The following ATXN10 variants were observed in gnomAD, a reference collection of about 807,000 sequenced individuals.
ATXN10 encodes ataxin-10.
In ATXN10, 28 loss-of-function variants were observed where a neutral mutation model predicts 52.9. The ratio of observed to expected loss-of-function variants is 0.53; its 90% CI spans 0.39 to 0.73. ATXN10 has a LOEUF of 0.73. Ranked by LOEUF, ATXN10 falls within the 30% of genes least tolerant of loss-of-function variation. The pLI is 0.00. For missense variants in ATXN10, 565 were observed against 577.0 expected, an observed-to-expected ratio of 0.98 and a Z score of 0.21; for synonymous variants, 226 against 221.5, an observed-to-expected ratio of 1.02 and a Z score of -0.18.
At position 45,718,547 on chromosome 22, in the gene ATXN10, C is replaced by T. The variant is rs964822712; in HGVS notation, c.728+54C>T. 9.1e-6 allele frequency: 13 copies of T among 1,422,688 alleles called. No homozygotes were observed. The highest frequency in any genetic ancestry group is 1.7e-4 in the Middle Eastern group (1 of 5,724). The allele number at this position is 1,422,688 out of a possible 1,614,324, so 88.1% of individuals were successfully genotyped here. A position where few individuals can be genotyped will look rare whatever the true frequency, so the allele number is the denominator to read the frequency against. ...TATTTAGCATTCCATATAGGGTATT[C>T]GATGCACGTGACTGAAAAGCTGTGT... On this transcript the variant is annotated intron_variant, in intron 6 of 11. Transcript: ENST00000252934. The surrounding 1 kb of genome is among the most constrained non-coding windows in gnomAD (Gnocchi z 4.4).
At chr22:45,800,768 G>A (rs531973051) in intron 9 of ATXN10, among the ~76,000 whole-genome samples, 106 of 152,308 alleles carry the variant, frequency 7.0e-4, no homozygotes, top group African/African-American at 2.5e-3. Context: ...AATGATACAT[G>A]TAACAACGTG....
intron 10 of ATXN10, among the ~76,000 whole-genome samples, chr22:45,822,689 C>G (rs529507102): frequency 1.3e-5 from 2 of 152,078 alleles, no homozygotes; most frequent in East Asian, 3.9e-4. Context: ...CGCCACCACA[C>G]CTGGCTAATT....
chr22:45,756,788 G>T (rs1048414499), intron 9 of ATXN10, among the ~76,000 whole-genome samples: 4 of 152,088 alleles, frequency 2.6e-5, no homozygotes, highest in African/African-American at 9.7e-5. Context: ...TTGAATAATT[G>T]GTTTAATGTG....
chr22:45,717,775 T>C (rs1924501496), intron 5 of ATXN10, among the ~76,000 whole-genome samples: 1 of 152,212 alleles, frequency 6.6e-6, no homozygotes, highest in Non-Finnish European at 1.5e-5. Flanking sequence ...CCTTAGTTCT[T>C]AAGTCTTTTC....
At chr22:45,741,580 C>T (rs1925535652) in intron 9 of ATXN10, among the ~76,000 whole-genome samples, 1 of 152,098 alleles carries the variant, frequency 6.6e-6, no homozygotes. Context: ...TAGATCCATC[C>T]TCAGTTTCTT....
In ATXN10 at chr22:45,677,167, G is replaced by T. The variant is rs1469700783; in HGVS notation, c.116+4988G>T. 1 of 152,160 alleles carries T rather than the reference G, an allele frequency of 6.6e-6. No homozygotes were observed. Among genetic ancestry groups the T allele is most frequent in the African/African-American group, 2.4e-5 (1 of 41,432 alleles). 9.4% of individuals were successfully genotyped at this position (152,160 alleles called of 1,614,324 possible). A position where few individuals can be genotyped will look rare whatever the true frequency, so the allele number is the denominator to read the frequency against. On this transcript the variant is annotated intron_variant, in intron 1 of 11. Transcript: ENST00000252934. The surrounding 1 kb of genome is among the most constrained non-coding windows in gnomAD (Gnocchi z 4.1). ...TATTCTTGAAATAATGGAACATTTGGATGCTGCTTTCTATAAATTCATCTC... is the reference window on the plus strand; with the variant it reads ...TATTCTTGAAATAATGGAACATTTGTATGCTGCTTTCTATAAATTCATCTC...
At chr22:45,692,916 C>G (rs1230668290) in intron 2 of ATXN10, 80 bp from the exon 3 acceptor site, 3 of 1,142,114 alleles carry the variant, frequency 2.6e-6, no homozygotes, top group Admixed American at 3.5e-5. Context: ...TCTCAGCTCT[C>G]CCATTGTAGT....
rs1202266265 is a variant in ATXN10 at position 45,677,743 on chromosome 22, A to G, written c.116+5564A>G. On this transcript the variant is annotated intron_variant, in intron 1 of 11. Transcript: ENST00000252934. The surrounding 1 kb of genome is among the most constrained non-coding windows in gnomAD (Gnocchi z 4.1). The stretch of plus-strand genomic sequence containing the variant: ...AAATCACTAGTTATTAGGGAAATGC[A>G]GTTAAAACTTCAGTGAGAGACTACT... The G allele has an allele frequency of 6.6e-6, 1 of 152,216 alleles. No individual in the cohort carries two copies. The highest frequency in any genetic ancestry group is 1.5e-5 in the Non-Finnish European group (1 of 68,038). The allele number at this position is 152,216 out of a possible 1,614,324, so 9.4% of individuals were successfully genotyped here.
chr22:45,739,072 T>C (rs1296317700), intron 8 of ATXN10, among the ~76,000 whole-genome samples: 1 of 152,216 alleles, frequency 6.6e-6, no homozygotes, highest in African/African-American at 2.4e-5. Context: ...TTCTCAGTAA[T>C]GTGAGGATAA....
chr22:45,845,152 G>A lies in ATXN10; in HGVS notation c.*1481G>A, dbSNP rs1033311029. The A allele has an allele frequency of 3.3e-5, 5 of 152,194 alleles. No individual in the cohort carries two copies. The highest frequency in any genetic ancestry group is 1.2e-4 in the African/African-American group (5 of 41,448). The allele number at this position is 152,194 out of a possible 1,614,324, so 9.4% of individuals were successfully genotyped here. On this transcript the variant is annotated 3_prime_UTR_variant, in exon 12 of 12. Coordinates refer to ENST00000252934, the MANE Select transcript of ATXN10 (RefSeq NM_013236.4). This position sits in a 1 kb window ranked among gnomAD's most constrained non-coding sequence, Gnocchi z 4.7. ...AGCCTGGCCAAAGGGAGAAAACAGT[G>A]GGAGTCCCTTTTCCCTTTTAACAAG...
At chr22:45,793,638 C>T in intron 9 of ATXN10, 1 of 1,385,932 alleles carries the variant, frequency 7.2e-7, no homozygotes, top group Non-Finnish European at 9.4e-7. Context: ...TCTGTTCCAC[C>T]AGCCTTTGCC....
chr22:45,719,006 G>T (rs957562310), intron 6 of ATXN10, among the ~76,000 whole-genome samples: 3 of 151,270 alleles, frequency 2.0e-5, no homozygotes, highest in Non-Finnish European at 2.9e-5. Context: ...TGTGATTATA[G>T]TTCTTTATGT....
chr22:45,717,502 A>G (rs915210420), intron 5 of ATXN10, among the ~76,000 whole-genome samples: 8 of 152,200 alleles, frequency 5.3e-5, no homozygotes, highest in Admixed American at 3.9e-4. Context: ...AATTTCAAAT[A>G]TTATCCATTA....
At position 45,671,972 on chromosome 22, in the gene ATXN10, G is replaced by T. The variant is rs897652948; in HGVS notation, c.-92G>T. On this transcript the variant is annotated 5_prime_UTR_variant, in exon 1 of 12. Transcript: ENST00000252934. ...GGGCGAGGCCTCCCCCTTCCTCCTC[G>T]CCATCCTACTCCTCCCTCCTCGTCA... 5 of 1,407,020 alleles carry T rather than the reference G, an allele frequency of 3.6e-6. No individual in the cohort carries two copies. The highest frequency in any genetic ancestry group is 3.8e-6 in the Non-Finnish European group (4 of 1,041,446). The allele number at this position is 1,407,020 out of a possible 1,614,324, so 87.2% of individuals were successfully genotyped here. A position where few individuals can be genotyped will look rare whatever the true frequency, so the allele number is the denominator to read the frequency against.
chr22:45,841,676 C>G lies in ATXN10; in HGVS notation c.1238-1315C>G, dbSNP rs549990496. 6.6e-6 allele frequency among the ~76,000 whole-genome samples: 1 copy of G among 152,330 alleles called. No individual in the cohort carries two copies. Among genetic ancestry groups the G allele is most frequent in the East Asian group, 1.9e-4 (1 of 5,190 alleles). ...CAGTTGTCTGACTTAATTGGACAGT[C>G]ATTTTTACTATTTTCTTTTGAGGCT... On this transcript the variant is annotated intron_variant, in intron 10 of 11. Transcript: ENST00000252934. The surrounding 1 kb of genome is among the most constrained non-coding windows in gnomAD (Gnocchi z 5.1).
In ATXN10 at chr22:45,775,862, G is replaced by A. The variant is rs188511198; in HGVS notation, c.1174-31097G>A. 1.3e-5 allele frequency among the ~76,000 whole-genome samples: 2 copies of A among 152,194 alleles called. No homozygotes were observed. Among genetic ancestry groups the A allele is most frequent in the African/African-American group, 4.8e-5 (2 of 41,516 alleles). ...ATCATTCCGCCCCTCACAGCCAGCC[G>A]GGAGGTAACATTAACATCCGTTTGC... On this transcript the variant is annotated intron_variant, in intron 9 of 11. Coordinates refer to ENST00000252934, the MANE Select transcript of ATXN10 (RefSeq NM_013236.4). The surrounding 1 kb of genome is among the most constrained non-coding windows in gnomAD (Gnocchi z 4.7).
Position 45,833,462 on chromosome 22 carries a change from T to C in ATXN10, c.1238-9529T>C, listed in dbSNP as rs1929058720. ...AGCTCCACCCTGTTCATGTTCTTCATTTAATCCTTTCTAACTTAGAACTAT... is the reference window on the plus strand; with the variant it reads ...AGCTCCACCCTGTTCATGTTCTTCACTTAATCCTTTCTAACTTAGAACTAT... On this transcript the variant is annotated intron_variant, in intron 10 of 11. Coordinates refer to ENST00000252934, the MANE Select transcript of ATXN10 (RefSeq NM_013236.4). The surrounding 1 kb of genome is among the most constrained non-coding windows in gnomAD (Gnocchi z 4.3). Among the ~76,000 whole-genome samples the C allele has an allele frequency of 6.6e-6, 1 of 152,252 alleles. No individual in the cohort carries two copies. The highest frequency in any genetic ancestry group is 2.1e-4 in the South Asian group (1 of 4,836).
intron 10 of ATXN10, among the ~76,000 whole-genome samples, chr22:45,830,776 CAG>C (rs1569081642): frequency 6.6e-6 from 1 of 151,646 alleles, no homozygotes. Flanking sequence ...TAAAATGGTG[CAG>C]CCATTGTGGA....
chr22:45,787,531 C>G lies in ATXN10; in HGVS notation c.1174-19428C>G, dbSNP rs1031405367. Among the ~76,000 whole-genome samples, 5 of 152,194 alleles carry G rather than the reference C, an allele frequency of 3.3e-5. No homozygotes were observed. The highest frequency in any genetic ancestry group is 1.2e-4 in the African/African-American group (5 of 41,440). On this transcript the variant is annotated intron_variant, in intron 9 of 11. Transcript: ENST00000252934. The surrounding 1 kb of genome is among the most constrained non-coding windows in gnomAD (Gnocchi z 4.2). ...CATTTGCTTCTTTTGACCTTCGGTA[C>G]TCAGTAGACTTACTGTATGGGAAGG...
Sources: gnomAD v4.1 joint callset for allele counts (sites outside exome capture counted in the v4.1 genomes callset) on GRCh38, gnomAD v4.1.1 for gene constraint, Gnocchi (gnomAD v3.1) non-coding constraint, MANE v1.5 for transcripts, NCBI Gene and HGNC (gene_info 2026-07-23, HGNC 2026-07-21) for gene names.